The following ANKDD1B variants were observed in gnomAD, a reference collection of about 807,000 sequenced individuals.
ANKDD1B encodes ankyrin repeat and death domain containing 1B, also known as ankyrin repeat and death domain-containing protein 1B.
In ANKDD1B, 57 loss-of-function variants were observed where a neutral mutation model predicts 59.7. The ratio of observed to expected loss-of-function variants is 0.95; its 90% CI spans 0.77 to 1.19. The LOEUF (loss-of-function observed/expected upper bound fraction) is 1.19, where lower values mean the gene tolerates loss of function less well. Among genes scored for constraint, ANKDD1B ranks in the 50% most tolerant of loss-of-function variants. The pLI, the probability that ANKDD1B is intolerant of heterozygous loss-of-function variation, is 0.00. For missense variants in ANKDD1B, 602 were observed against 641.9 expected (o/e 0.94, Z 0.67); for synonymous variants, 216 against 239.5 (o/e 0.90, Z 0.91).
chr5:75,623,635 T>C (rs1391334940), intron 3 of ANKDD1B, among the ~76,000 whole-genome samples: 1 of 151,822 alleles, frequency 6.6e-6, no homozygotes, highest in African/African-American at 2.4e-5. Flanking sequence ...ACATTAAGAG[T>C]GGGGTTTCTC....
intron 7 of ANKDD1B, among the ~76,000 whole-genome samples, chr5:75,648,309 CAGAATGTGG>C (rs1477573045): frequency 2.0e-5 from 3 of 146,558 alleles, no homozygotes; most frequent in South Asian, 2.2e-4. Flanking sequence ...ATGAAATATT[CAGAATGTGG>C]AGAATGTGGA....
chr5:75,640,700 TAAAG>T lies in ANKDD1B; in HGVS notation c.798+4819_798+4822del, dbSNP rs562013067. ...CAGGAAGTGACACCAACATTCCAAA[TAAAG>T]TATGTGTTCCAGACCATGTTCACTC... On this transcript the variant is annotated intron_variant, in intron 7 of 13. Coordinates refer to ENST00000601380, the MANE Select transcript of ANKDD1B (RefSeq NM_001276713.2). 2.9e-3 allele frequency among the ~76,000 whole-genome samples: 442 copies of T among 152,348 alleles called. 4 individuals carry two copies. Among genetic ancestry groups the T allele is most frequent in the African/African-American group, 9.8e-3 (409 of 41,580 alleles).
chr5:75,656,747 A>G (rs1388253199), intron 9 of ANKDD1B, among the ~76,000 whole-genome samples: 1 of 152,060 alleles, frequency 6.6e-6, no homozygotes, highest in Non-Finnish European at 1.5e-5. Context: ...CTTCCAGGAT[A>G]TGTAGGGGAG....
In ANKDD1B at chr5:75,614,241, G is replaced by A. The variant is rs555178987; in HGVS notation, c.193+2414G>A. Among the ~76,000 whole-genome samples the A allele has an allele frequency of 1.3e-4, 20 of 152,274 alleles. No homozygotes were observed. In the South Asian group the frequency reaches 1.9e-3, roughly 14 times the overall value. On this transcript the variant is annotated intron_variant, in intron 1 of 13. Coordinates refer to ENST00000601380, the MANE Select transcript of ANKDD1B (RefSeq NM_001276713.2). ...GTTCTCCAAGCCCCAATTCCCACAG[G>A]GAGATATAAAGATGCCAAATGACAC...
rs1383034240 is a variant in ANKDD1B, at chr5:75,663,483, G to T, written c.1185G>T (p.Trp395Cys). ...MLIKAERYYA[W>C]REEHHESIRD... is the part of the protein sequence containing the mutation. ...TTAAAGCAGAGAGATACTACGCCTGGAGAGAGGTAAGGAAGGACGATCCCA... is the reference window on the plus strand; with the variant it reads ...TTAAAGCAGAGAGATACTACGCCTGTAGAGAGGTAAGGAAGGACGATCCCA... The change falls in exon 11 of 14, where the codon TGG becomes TGT. Residue 395 changes from tryptophan to cysteine, a missense_variant. Coordinates refer to ENST00000601380, the MANE Select transcript of ANKDD1B (RefSeq NM_001276713.2). 4.6e-6 allele frequency: 7 copies of T among 1,536,270 alleles called. No homozygotes were observed. The East Asian group carries it at 1.7e-4, about 38-fold the overall frequency.
chr5:75,670,310 T>C (rs1328593734), intron 13 of ANKDD1B, among the ~76,000 whole-genome samples: 1 of 152,268 alleles, frequency 6.6e-6, no homozygotes, highest in Non-Finnish European at 1.5e-5. Context: ...CTTATAGCAT[T>C]CTGGTTTTAC....
At chr5:75,654,034 T>C (rs16872710) in intron 8 of ANKDD1B, among the ~76,000 whole-genome samples, 7,563 of 152,306 alleles carry the variant, frequency 0.05, 575 homozygotes, top group African/African-American at 0.17. Context: ...TGCTTAGTGC[T>C]TCAAGGAGGT....
intron 10 of ANKDD1B, among the ~76,000 whole-genome samples, 194 bp from the exon 11 acceptor site, chr5:75,663,200 T>C (rs2112024933): frequency 6.6e-6 from 1 of 152,332 alleles, no homozygotes; most frequent in East Asian, 1.9e-4. Context: ...AGGCTTTATA[T>C]GCATTATCAC....
At chr5:75,621,932 CT>C (rs1773858094) in intron 3 of ANKDD1B, among the ~76,000 whole-genome samples, 1 of 152,180 alleles carries the variant, frequency 6.6e-6, no homozygotes. Flanking sequence ...TGGTGTGTCT[CT>C]TTTTCCTGCT....
intron 3 of ANKDD1B, 89 bp from the exon 4 acceptor site, chr5:75,625,558 T>G (rs973836008): frequency 4.4e-6 from 4 of 904,188 alleles, no homozygotes; most frequent in Non-Finnish European, 1.7e-6. Flanking sequence ...TTCAACAATC[T>G]AGTATTAATT....
At chr5:75,635,912 G>T in intron 7 of ANKDD1B, 30 bp downstream of exon 7, 1 of 1,385,854 alleles carries the variant, frequency 7.2e-7, no homozygotes, top group African/African-American at 1.4e-5. Flanking sequence ...ATTGCCATAG[G>T]ACTTAAATGT....
chr5:75,630,522 C>T (rs1774122704), intron 5 of ANKDD1B, among the ~76,000 whole-genome samples: 1 of 152,350 alleles, frequency 6.6e-6, no homozygotes, highest in Non-Finnish European at 1.5e-5. Context: ...CTCAGAACCT[C>T]CCATCTCTTA....
At chr5:75,640,615 C>T (rs188157472) in intron 7 of ANKDD1B, among the ~76,000 whole-genome samples, 6 of 152,160 alleles carry the variant, frequency 3.9e-5, no homozygotes. Context: ...AATGGAGAAA[C>T]ACCATTCTTT....
chr5:75,669,144 A>T, intron 12 of ANKDD1B, 108 bp from the exon 13 acceptor site: 1 of 1,124,392 alleles, frequency 8.9e-7, no homozygotes, highest in Non-Finnish European at 1.1e-6. Flanking sequence ...TTCGAAGAGG[A>T]ACAGGCAAGC....
rs1341231858 is a variant in ANKDD1B at position 75,634,878 on chromosome 5, G to A, written c.601-20G>A. On this transcript the variant is annotated intron_variant, in intron 5 of 13. Coordinates refer to ENST00000601380, the MANE Select transcript of ANKDD1B (RefSeq NM_001276713.2). The stretch of plus-strand genomic sequence containing the variant: ...CACTAAGACTGTAATAAATGCTTGA[G>A]GTTTGTGATTGATTTTTAGAAAGGA... 1.7e-5 allele frequency: 24 copies of A among 1,435,592 alleles called. No homozygotes were observed. Among genetic ancestry groups the A allele is most frequent in the Middle Eastern group, 1.7e-4 (1 of 5,768 alleles). 88.9% of individuals were successfully genotyped at this position (1,435,592 alleles called of 1,614,324 possible).
intron 8 of ANKDD1B, among the ~76,000 whole-genome samples, chr5:75,654,156 A>T (rs184197530): frequency 2.6e-5 from 4 of 152,210 alleles, no homozygotes; most frequent in Admixed American, 2.0e-4. Flanking sequence ...ACAGTCTCTG[A>T]CTTACTCAGC....
chr5:75,655,833 G>T (rs999940573), intron 8 of ANKDD1B, among the ~76,000 whole-genome samples, 196 bp from the exon 9 acceptor site: 1 of 152,170 alleles, frequency 6.6e-6, no homozygotes, highest in Non-Finnish European at 1.5e-5. Flanking sequence ...GGGGTGGGCC[G>T]ATTGCTGGGG....
intron 10 of ANKDD1B, among the ~76,000 whole-genome samples, chr5:75,661,291 G>A (rs907991600): frequency 3.3e-5 from 5 of 150,942 alleles, no homozygotes; most frequent in African/African-American, 9.7e-5. Flanking sequence ...CAGCTACAGC[G>A]GGGGCTGAGG....
intron 5 of ANKDD1B, among the ~76,000 whole-genome samples, chr5:75,627,532 T>C (rs1774025500): frequency 6.6e-6 from 1 of 152,212 alleles, no homozygotes. Context: ...GTTGTAACAA[T>C]TGTTATAGGA....
Sources: allele counts gnomAD v4.1 joint callset (sites outside exome capture counted in the v4.1 genomes callset), GRCh38; gene constraint gnomAD v4.1.1; transcripts MANE v1.5; gene names NCBI Gene and HGNC (gene_info 2026-07-23, HGNC 2026-07-21).